The following AKAP9 variants were observed in gnomAD, a reference collection of about 807,000 sequenced individuals.
AKAP9 encodes A-kinase anchoring protein 9.
AKAP9 carries 311 observed loss-of-function variants against 488.5 expected under a neutral mutation model. The ratio of observed to expected loss-of-function variants is 0.64; its 90% CI spans 0.58 to 0.70. The LOEUF is 0.70. Ranked by LOEUF, AKAP9 falls within the 30% of genes least tolerant of loss-of-function variation. AKAP9 has a pLI of 0.00. For missense variants in AKAP9, 4,215 were observed against 4,374.5 expected, an observed-to-expected ratio of 0.96 and a Z score of 1.03; for synonymous variants, 1,462 against 1,483.5, an observed-to-expected ratio of 0.99 and a Z score of 0.33.
intron 47 of AKAP9, among the ~76,000 whole-genome samples, chr7:92,106,695 C>T (rs1323541265): frequency 6.6e-6 from 1 of 152,170 alleles, no homozygotes; most frequent in African/African-American, 2.4e-5. Context: ...AGGTCCGAAT[C>T]TGGGGAGCAC....
intron 21 of AKAP9, among the ~76,000 whole-genome samples, chr7:92,051,693 A>G (rs1421383513): frequency 6.6e-6 from 1 of 152,212 alleles, no homozygotes; most frequent in Non-Finnish European, 1.5e-5. Flanking sequence ...ACAAGTTCTA[A>G]TAAGTAGCTC....
intron 45 of AKAP9, among the ~76,000 whole-genome samples, chr7:92,101,508 A>G (rs1009437691): frequency 2.0e-5 from 3 of 152,122 alleles, no homozygotes; most frequent in African/African-American, 7.2e-5. Context: ...TTTGTCATGA[A>G]TGCAGGTCAC....
intron 19 of AKAP9, 63 bp downstream of exon 19, chr7:92,042,249 T>C (rs1806245290): frequency 4.4e-6 from 7 of 1,604,866 alleles, no homozygotes; most frequent in Admixed American, 1.7e-5. Flanking sequence ...TTTGTTTGTC[T>C]TTGTTGTTGG....
At chr7:92,069,143 G>T (rs1323110115) in intron 26 of AKAP9, among the ~76,000 whole-genome samples, 4 of 152,068 alleles carry the variant, frequency 2.6e-5, no homozygotes, top group African/African-American at 7.2e-5. Flanking sequence ...GCTCTTTCCT[G>T]GGCTGATGGA....
rs143138024 is a variant in AKAP9, at chr7:92,093,275, C to G, written c.9537C>G (p.Leu3179=). Residue 3179 remains leucine, a synonymous_variant, in exon 39 of 50, where the codon CTC becomes CTG. Transcript: ENST00000356239. ...CTAAATTGGAACTAGAAACAACACT[C>G]AAGGCACAGCATAAACACCTAAAAG... The part of the protein sequence containing the change: ...AQTKLELETT[L]KAQHKHLKEL... 34 of 1,613,928 alleles carry G rather than the reference C, an allele frequency of 2.1e-5. No individual in the cohort carries two copies. In the African/African-American group the frequency reaches 4.5e-4, roughly 22 times the overall value.
chr7:92,098,302 A>G (rs751763242), intron 43 of AKAP9, 88 bp downstream of exon 43: 2 of 741,764 alleles, frequency 2.7e-6, no homozygotes, highest in Non-Finnish European at 4.7e-6. Context: ...CATATTCTTT[A>G]TACTCTTTAT....
chr7:92,054,377 A>C (rs1808439170), intron 22 of AKAP9, among the ~76,000 whole-genome samples: 1 of 152,122 alleles, frequency 6.6e-6, no homozygotes, highest in African/African-American at 2.4e-5. Context: ...ATTATAACAA[A>C]ATGTAAAACA....
intron 1 of AKAP9, among the ~76,000 whole-genome samples, chr7:91,955,685 A>G (rs1440334801): frequency 1.3e-5 from 2 of 152,296 alleles, no homozygotes; most frequent in East Asian, 3.9e-4. Flanking sequence ...AAATACTGCC[A>G]CTAAGTGACA....
chr7:91,965,466 C>A (rs1420298635), intron 1 of AKAP9, among the ~76,000 whole-genome samples: 1 of 152,096 alleles, frequency 6.6e-6, no homozygotes, highest in Admixed American at 6.6e-5. Flanking sequence ...CATATTTTAG[C>A]TATTGTAAAT....
At position 92,029,908 on chromosome 7, in the gene AKAP9, T is replaced by G; in HGVS notation, c.4162T>G (p.Ser1388Ala). ...STVPPSLPVD[S>A]VVITESDAQR... ...ATTTATATTCAGCTTACCTGTTGAT[T>G]CGGTGGTAATTACAGAATCTGATGC... Residue 1388 changes from serine (S) to alanine (A), a missense_variant, in exon 15 of 50, where the codon TCG becomes GCG. Ser to Ala is a moderately conservative substitution (Grantham distance 99). Coordinates refer to ENST00000356239, the MANE Select transcript of AKAP9 (RefSeq NM_005751.5). The G allele has an allele frequency of 6.2e-7, 1 of 1,612,564 alleles. No individual in the cohort carries two copies. Among genetic ancestry groups the G allele is most frequent in the Non-Finnish European group, 8.5e-7 (1 of 1,178,718 alleles).
chr7:92,096,293 T>G (rs1439687924), intron 40 of AKAP9, among the ~76,000 whole-genome samples: 1 of 151,776 alleles, frequency 6.6e-6, no homozygotes, highest in Non-Finnish European at 1.5e-5. Flanking sequence ...ACCAACATAG[T>G]ATTAATAAAG....
chr7:92,088,440 G>C (rs914176926), intron 37 of AKAP9, among the ~76,000 whole-genome samples: 1 of 152,162 alleles, frequency 6.6e-6, no homozygotes, highest in Non-Finnish European at 1.5e-5. Flanking sequence ...CCAAAAACTG[G>C]AATGTTCTTT....
chr7:92,079,870 A>G lies in AKAP9; in HGVS notation c.7737A>G (p.Ser2579=). The G allele has an allele frequency of 6.2e-7, 1 of 1,614,120 alleles. No homozygotes were observed. The highest frequency in any genetic ancestry group is 8.5e-7 in the Non-Finnish European group (1 of 1,180,000). The change falls in exon 31 of 50, where the codon TCA becomes TCG. Residue 2579 remains serine (S), a synonymous_variant. Transcript: ENST00000356239. The part of the protein sequence containing the change: ...KFCQDNQTIS[S]EPERTNIQNL... ...GTCAAGATAATCAAACAATTTCATCAGAACCTGAAAGAACAAATATTCAGA... is the reference window on the plus strand; with the variant it reads ...GTCAAGATAATCAAACAATTTCATCGGAACCTGAAAGAACAAATATTCAGA...
At chr7:92,077,659 T>G in intron 29 of AKAP9, 37 bp from the exon 30 acceptor site, 28 of 1,555,536 alleles carry the variant, frequency 1.8e-5, no homozygotes, top group Non-Finnish European at 2.4e-5. Flanking sequence ...TGATAGGTAA[T>G]GATATATCCA....
rs1245603062 is a variant in AKAP9, at chr7:92,061,335, C to T, written c.5677C>T (p.Leu1893Phe). 1 of 1,613,152 alleles carries T rather than the reference C, an allele frequency of 6.2e-7. No homozygotes were observed. Among genetic ancestry groups the T allele is most frequent in the Non-Finnish European group, 8.5e-7 (1 of 1,179,504 alleles). ...ACAGAAACAAGAAGCAACAGAGTCC[C>T]TTAAGTGCCAAGAGGAACTTCGAGA... Reference protein sequence around the residue: ...FRQKQEATESLKCQEELRERL... With the variant: ...FRQKQEATESFKCQEELRERL... The change falls in exon 23 of 50, where the codon CTT becomes TTT. Residue 1893 changes from leucine (L) to phenylalanine (F), a missense_variant. Leu to Phe is a conservative substitution (Grantham distance 22, BLOSUM62 0). Around this residue, in one of 5 missense-constraint regions of AKAP9, gnomAD observed 2,361 missense variants for 2,430.0 expected, o/e 0.97. Transcript: ENST00000356239.
intron 45 of AKAP9, among the ~76,000 whole-genome samples, chr7:92,101,792 A>C (rs759362439): frequency 1.3e-5 from 2 of 152,238 alleles, no homozygotes; most frequent in Non-Finnish European, 2.9e-5. Flanking sequence ...AATTCAAAAC[A>C]AAAAGAAAAA....
chr7:91,982,032 G>A (rs1796479243), intron 3 of AKAP9, among the ~76,000 whole-genome samples: 1 of 152,120 alleles, frequency 6.6e-6, no homozygotes, highest in Non-Finnish European at 1.5e-5. Context: ...TTTTTAATAT[G>A]CTAGTGGCTG....
intron 9 of AKAP9, among the ~76,000 whole-genome samples, chr7:92,013,043 G>C (rs1800985783): frequency 1.5e-5 from 2 of 131,272 alleles, no homozygotes; most frequent in Admixed American, 8.5e-5. Flanking sequence ...CCAGGCTGGA[G>C]TGCAGTGGCG....
chr7:92,034,760 A>G (rs985634192), intron 16 of AKAP9, among the ~76,000 whole-genome samples: 3 of 151,524 alleles, frequency 2.0e-5, no homozygotes, highest in Non-Finnish European at 4.4e-5. Flanking sequence ...CGGCCTCCCA[A>G]AGTACTGGGA....
Sources: gnomAD v4.1 joint callset for allele counts (sites outside exome capture counted in the v4.1 genomes callset) on GRCh38, gnomAD v4.1.1 for gene constraint, gnomAD v4.1.1 regional missense constraint, MANE v1.5 for transcripts, NCBI Gene and HGNC (gene_info 2026-07-23, HGNC 2026-07-21) for gene names.